NTN1: variants seen among roughly 807,000 people sequenced by gnomAD.
The protein encoded by NTN1 is netrin 1.
A neutral mutation model predicts 54.2 loss-of-function variants in NTN1; 11 were observed. The observed-to-expected ratio is 0.20, with a 90% confidence interval of 0.13 to 0.34. The LOEUF is 0.34. Among genes scored for constraint, NTN1 ranks in the 10% least tolerant of loss-of-function variants. The pLI is 1.00. For missense variants in NTN1, 740 were observed against 893.1 expected, an observed-to-expected ratio of 0.83 and a Z score of 2.18; for synonymous variants, 371 against 382.0, an observed-to-expected ratio of 0.97 and a Z score of 0.33.
intron 5 of NTN1, among the ~76,000 whole-genome samples, chr17:9,205,996 G>C (rs2142342015): frequency 6.6e-6 from 1 of 152,332 alleles, no homozygotes; most frequent in South Asian, 2.1e-4. Context: ...GCTCCAACTG[G>C]GGCATGCCTC....
At position 9,182,935 on chromosome 17, in the gene NTN1, G is replaced by A. The variant is rs368540968; in HGVS notation, c.1377G>A (p.Pro459=). Reference sequence around the variant, plus strand: ...ACAAAGAGATCCCTGTAGCGCCGCCGACGACTGCAGCCAGCAGCGTGGAGG... The same window carrying A: ...ACAAAGAGATCCCTGTAGCGCCGCCAACGACTGCAGCCAGCAGCGTGGAGG... The part of the protein sequence containing the change: ...APCIKIPVAP[P]TTAASSVEEP... The change falls in exon 5 of 7, where the codon CCG becomes CCA. Residue 459 remains proline (P), a synonymous_variant. Coordinates refer to ENST00000173229, the MANE Select transcript of NTN1 (RefSeq NM_004822.3). The A allele has an allele frequency of 7.9e-5, 128 of 1,614,046 alleles. 1 individual carries two copies. The African/African-American group carries it at 1.5e-3, about 19-fold the overall frequency.
At chr17:9,059,058 C>T (rs749073167) in intron 2 of NTN1, among the ~76,000 whole-genome samples, 10 of 152,186 alleles carry the variant, frequency 6.6e-5, no homozygotes, top group African/African-American at 2.2e-4. Context: ...ATTTCATACA[C>T]GTAAAGTGCA....
intron 1 of NTN1, among the ~76,000 whole-genome samples, chr17:9,021,977 C>T (rs1030212240): frequency 1.3e-5 from 2 of 152,136 alleles, no homozygotes; most frequent in Non-Finnish European, 2.9e-5. Flanking sequence ...AGTCGGGGTC[C>T]CCCAGCTCTC....
At chr17:9,055,927 C>T (rs903064359) in intron 2 of NTN1, among the ~76,000 whole-genome samples, 12 of 151,136 alleles carry the variant, frequency 7.9e-5, no homozygotes, top group African/African-American at 2.4e-4. Context: ...GACCGAGTTT[C>T]GCTCTTGTTG....
intron 2 of NTN1, among the ~76,000 whole-genome samples, chr17:9,073,777 G>C (rs1287237516): frequency 6.6e-6 from 1 of 152,218 alleles, no homozygotes; most frequent in African/African-American, 2.4e-5. Flanking sequence ...GGTCCCACTT[G>C]GTGGGTGCCT....
upstream of NTN1, among the ~76,000 whole-genome samples, chr17:9,019,175 T>A (rs1015143551): frequency 6.6e-6 from 1 of 152,202 alleles, no homozygotes; most frequent in African/African-American, 2.4e-5. Flanking sequence ...CCTTCTTAGC[T>A]TTTCTTTGTT....
chr17:9,112,836 A>G (rs2142253574), intron 2 of NTN1, among the ~76,000 whole-genome samples: 1 of 134,036 alleles, frequency 7.5e-6, no homozygotes, highest in Admixed American at 7.4e-5. Flanking sequence ...AAAAAAAAAA[A>G]AAAAAATGCA....
intron 2 of NTN1, among the ~76,000 whole-genome samples, chr17:9,068,213 G>T (rs990555601): frequency 1.3e-5 from 2 of 152,068 alleles, no homozygotes; most frequent in African/African-American, 4.8e-5. Flanking sequence ...ACAGAGTCTT[G>T]CTTTGTCACC....
At chr17:9,169,971 G>A (rs1003034649) in intron 3 of NTN1, among the ~76,000 whole-genome samples, 1 of 152,228 alleles carries the variant, frequency 6.6e-6, no homozygotes, top group African/African-American at 2.4e-5. Flanking sequence ...CGGAAGTTCT[G>A]GGTTTGGCCA....
At chr17:9,180,679 G>A (rs2092416283) in intron 4 of NTN1, among the ~76,000 whole-genome samples, 1 of 152,204 alleles carries the variant, frequency 6.6e-6, no homozygotes, top group South Asian at 2.1e-4. Context: ...ACAGCCCAGG[G>A]CCTTCGAGAG....
intron 2 of NTN1, among the ~76,000 whole-genome samples, chr17:9,116,831 A>AAGGTGG (rs10687515): frequency 0.069 from 10,472 of 152,254 alleles, 535 homozygotes; most frequent in African/African-American, 0.13. Context: ...AGGAAGGAGA[A>AAGGTGG]AGGTGGAGGC....
chr17:9,007,303 CTTTCCCTTCT>C, the NTN1 span, among the ~76,000 whole-genome samples: 3,207 of 132,136 alleles, frequency 0.024, 128 homozygotes, highest in African/African-American at 0.086. Flanking sequence ...TTCTTTCTTT[CTTTCCCTTCT>C]TTTCCTTTCT....
intron 3 of NTN1, among the ~76,000 whole-genome samples, chr17:9,163,774 G>A (rs2092366074): frequency 6.7e-6 from 1 of 150,174 alleles, no homozygotes; most frequent in African/African-American, 2.4e-5. Flanking sequence ...TGATGCTGGA[G>A]GGTGAGAAGC....
intron 2 of NTN1, among the ~76,000 whole-genome samples, chr17:9,140,207 G>C (rs1217958236): frequency 2.0e-5 from 3 of 152,108 alleles, no homozygotes; most frequent in Non-Finnish European, 4.4e-5. Flanking sequence ...CCGTCGGGTG[G>C]TGTGAGCTGT....
intron 2 of NTN1, among the ~76,000 whole-genome samples, chr17:9,112,823 CA>C (rs386385610): frequency 0.037 from 3,598 of 95,982 alleles, 67 homozygotes; most frequent in African/African-American, 0.09. Context: ...GACTCCGTCT[CA>C]AAAAAAAAAA....
intron 2 of NTN1, among the ~76,000 whole-genome samples, chr17:9,053,809 C>T (rs75771199): frequency 0.01 from 1,529 of 152,320 alleles, 27 homozygotes; most frequent in African/African-American, 0.032. Context: ...AAATGACCAG[C>T]TGTATGAAGG....
intron 3 of NTN1, 136 bp downstream of exon 3, chr17:9,163,137 C>T (rs914747655): frequency 1.3e-6 from 1 of 768,220 alleles, no homozygotes; most frequent in African/African-American, 1.9e-5. Flanking sequence ...CTCTCTCTTT[C>T]TCTCTCTGTG....
intron 2 of NTN1, among the ~76,000 whole-genome samples, chr17:9,054,363 G>T (rs958303401): frequency 3.9e-5 from 6 of 152,210 alleles, no homozygotes; most frequent in Middle Eastern, 3.2e-3. Flanking sequence ...GGGAGAAGCC[G>T]CCTGCCCAGG....
intron 5 of NTN1, among the ~76,000 whole-genome samples, chr17:9,207,606 C>T (rs1904999067): frequency 6.6e-6 from 1 of 152,194 alleles, no homozygotes; most frequent in South Asian, 2.1e-4. Flanking sequence ...CGCCTGTCTG[C>T]CACCCCCTCT....
Sources: gnomAD v4.1 joint callset for allele counts (sites outside exome capture counted in the v4.1 genomes callset) on GRCh38, gnomAD v4.1.1 for gene constraint, MANE v1.5 for transcripts, NCBI Gene and HGNC (gene_info 2026-07-23, HGNC 2026-07-21) for gene names.